The following ITSN2 variants were observed in gnomAD, a reference collection of about 807,000 sequenced individuals.
ITSN2 encodes the protein intersectin 2.
A neutral mutation model predicts 243.7 loss-of-function variants in ITSN2; 156 were observed. That is an observed-to-expected ratio of 0.64 (90% CI 0.56 to 0.73). The LOEUF (loss-of-function observed/expected upper bound fraction) is 0.73. Ranked by LOEUF, ITSN2 falls within the 30% of genes least tolerant of loss-of-function variation. ITSN2 has a pLI of 0.00. For missense variants in ITSN2, 1,801 were observed against 1,996.1 expected (o/e 0.90, Z 1.86); for synonymous variants, 703 against 699.9 (o/e 1.00, Z -0.07).
At position 24,270,768 on chromosome 2, in the gene ITSN2, C is replaced by T. The variant is rs1016798185; in HGVS notation, c.2258G>A (p.Arg753His). The change falls in exon 20 of 40, where the codon CGT (arginine) becomes CAT (histidine). Residue 753 changes from arginine (R) to histidine (H), a missense_variant and splice_region_variant. Physicochemically the swap from Arg to His is conservative, Grantham distance 29 (BLOSUM62 0). Transcript: ENST00000355123. The stretch of plus-strand genomic sequence containing the variant: ...ATTCACCAAAACACTAGCTGTCTCA[C>T]CTAAAGAGAAGACAATTGTCATTAT... ...KDTLKAEEKK[R>H]ETASVLVNYR... 7 of 1,529,076 alleles carry T rather than the reference C, an allele frequency of 4.6e-6. No individual in the cohort carries two copies. Among genetic ancestry groups the T allele is most frequent in the Non-Finnish European group, 6.3e-6 (7 of 1,110,174 alleles). 94.7% of individuals were successfully genotyped at this position (1,529,076 alleles called of 1,614,324 possible).
At chr2:24,295,584 C>T (rs376520574) in intron 14 of ITSN2, 80 bp downstream of exon 14, 5 of 1,144,586 alleles carry the variant, frequency 4.4e-6, no homozygotes, top group Admixed American at 3.0e-5. Flanking sequence ...GCTAGCATTA[C>T]AGCCGTGAGC....
At chr2:24,224,691 C>T (rs1384214693) in intron 29 of ITSN2, among the ~76,000 whole-genome samples, 5 of 151,322 alleles carry the variant, frequency 3.3e-5, no homozygotes, top group South Asian at 2.1e-4. Flanking sequence ...TGGAGTGCAG[C>T]GGCGCGATCT....
chr2:24,311,139 G>T (rs561225079), intron 5 of ITSN2, among the ~76,000 whole-genome samples: 1 of 151,994 alleles, frequency 6.6e-6, no homozygotes, highest in African/African-American at 2.4e-5. Flanking sequence ...AAGGTTCTAA[G>T]TAGTAGATAC....
At position 24,246,183 on chromosome 2, in the gene ITSN2, G is replaced by A; in HGVS notation, c.3523C>T (p.Leu1175Phe). Reference protein sequence around the residue: ...WQGEINGVTGLFPSNYVKMTT... With the variant: ...WQGEINGVTGFFPSNYVKMTT... ...ATCTTAACGTAGTTTGAAGGAAAGA[G>A]ACCAGTCACCCCGTTGATCTCTCCT... The change falls in exon 29 of 40, where the codon CTC becomes TTC. Residue 1175 changes from leucine to phenylalanine, a missense_variant. Leu to Phe is a conservative substitution (Grantham distance 22). Coordinates refer to ENST00000355123, the MANE Select transcript of ITSN2 (RefSeq NM_006277.3). The A allele has an allele frequency of 6.2e-7, 1 of 1,613,542 alleles. No individual in the cohort carries two copies. The highest frequency in any genetic ancestry group is 1.3e-5 in the African/African-American group (1 of 74,982).
chr2:24,272,423 A>C (rs962193878), intron 18 of ITSN2, among the ~76,000 whole-genome samples: 1 of 123,482 alleles, frequency 8.1e-6, no homozygotes, highest in Admixed American at 8.0e-5. Flanking sequence ...AAAACAACCT[A>C]CTTTTTTTTT....
chr2:24,347,769 TA>T (rs1687678936), intron 1 of ITSN2, among the ~76,000 whole-genome samples: 1 of 151,666 alleles, frequency 6.6e-6, no homozygotes, highest in Non-Finnish European at 1.5e-5. Context: ...ACCAAAATGT[TA>T]AACAATTAAA....
chr2:24,210,883 G>A lies in ITSN2; in HGVS notation c.4154C>T (p.Ala1385Val). The A allele has an allele frequency of 6.2e-7, 1 of 1,614,146 alleles. No individual in the cohort carries two copies. The highest frequency in any genetic ancestry group is 8.5e-7 in the Non-Finnish European group (1 of 1,180,020). Residue 1385 changes from alanine (A) to valine (V), a missense_variant, in exon 34 of 40, where the codon GCA (alanine) becomes GTA (valine). Ala to Val is a moderately conservative substitution (Grantham distance 64). Transcript: ENST00000355123. ...HSSLKLALERAEELCSQVNEG... is the reference protein window; with the variant it reads ...HSSLKLALERVEELCSQVNEG... ...ATTCACTTGAGAGCACAGCTCCTCT[G>A]CCCGCTCGAGGGCCAGCTTTAGGGA...
At chr2:24,344,398 T>C (rs1027888385) in intron 1 of ITSN2, among the ~76,000 whole-genome samples, 2 of 152,244 alleles carry the variant, frequency 1.3e-5, no homozygotes, top group Non-Finnish European at 2.9e-5. Context: ...TGTGTAAACA[T>C]ACTTGTTTCT....
intron 3 of ITSN2, among the ~76,000 whole-genome samples, chr2:24,314,017 C>T (rs930591290): frequency 1.3e-5 from 2 of 152,156 alleles, no homozygotes; most frequent in Admixed American, 6.5e-5. Flanking sequence ...AATCCGGTAA[C>T]GTTTCCCACT....
rs928009286 is a variant in ITSN2, at chr2:24,257,794, T to C, written c.2888+94A>G. 4 of 1,001,704 alleles carry C rather than the reference T, an allele frequency of 4.0e-6. No homozygotes were observed. The Admixed American group carries it at 5.8e-5, about 14-fold the overall frequency. The allele number at this position is 1,001,704 out of a possible 1,614,324, so 62.1% of individuals were successfully genotyped here. A position where few individuals can be genotyped will look rare whatever the true frequency, so the allele number is the denominator to read the frequency against. On this transcript the variant is annotated intron_variant, in intron 23 of 39. Coordinates refer to ENST00000355123, the MANE Select transcript of ITSN2 (RefSeq NM_006277.3). ...CTGATATTCAAACTCAAGTATAAAA[T>C]TGTTATTTTATTATACACTCAATCA...
At chr2:24,251,397 GTATA>G (rs1173242443) in intron 25 of ITSN2, among the ~76,000 whole-genome samples, 1 of 5,168 alleles carries the variant, frequency 1.9e-4, no homozygotes, top group African/African-American at 9.7e-4. Context: ...ATATATATGT[GTATA>G]TATATATGTG....
At chr2:24,250,690 A>G (rs1469203891) in intron 25 of ITSN2, among the ~76,000 whole-genome samples, 1 of 152,214 alleles carries the variant, frequency 6.6e-6, no homozygotes. Flanking sequence ...TGTTGCAACT[A>G]ACCTATAACG....
chr2:24,247,652 T>A (rs1673562261), intron 27 of ITSN2, among the ~76,000 whole-genome samples: 1 of 152,166 alleles, frequency 6.6e-6, no homozygotes, highest in Non-Finnish European at 1.5e-5. Context: ...GAAAACAGCA[T>A]CTGAAGAAGT....
At chr2:24,215,061 C>T (rs537845207) in intron 32 of ITSN2, among the ~76,000 whole-genome samples, 11 of 152,300 alleles carry the variant, frequency 7.2e-5, no homozygotes, top group East Asian at 1.9e-4. Context: ...ATAACCTGTA[C>T]GAAGGATGTT....
At chr2:24,215,253 A>G (rs192806771) in intron 32 of ITSN2, among the ~76,000 whole-genome samples, 1 of 152,334 alleles carries the variant, frequency 6.6e-6, no homozygotes, top group African/African-American at 2.4e-5. Flanking sequence ...ACAGATATGC[A>G]TTTTATATAT....
chr2:24,315,284 A>G, intron 2 of ITSN2, 60 bp from the exon 3 acceptor site: 1 of 921,952 alleles, frequency 1.1e-6, no homozygotes, highest in South Asian at 1.5e-5. Context: ...ATACAATTCT[A>G]AAATGTAAAT....
rs1435823274 is a variant in ITSN2, at chr2:24,293,734, T to C, written c.1677A>G (p.Gln559=). Residue 559 remains glutamine (Q), a synonymous_variant, in exon 15 of 40, where the codon CAA becomes CAG. Coordinates refer to ENST00000355123, the MANE Select transcript of ITSN2 (RefSeq NM_006277.3). The part of the protein sequence containing the change: ...NKLIYLVPEK[Q]LLNERIKNMQ... ...TGTTTTTAATTCTTTCATTTAATAA[T>C]TGCTTCTCAGGTACCAGATAGATAA... The C allele has an allele frequency of 3.2e-6, 4 of 1,251,482 alleles. No individual in the cohort carries two copies. Among genetic ancestry groups the C allele is most frequent in the African/African-American group, 1.6e-5 (1 of 64,352 alleles). 77.5% of individuals were successfully genotyped at this position (1,251,482 alleles called of 1,614,324 possible). A position where few individuals can be genotyped will look rare whatever the true frequency, so the allele number is the denominator to read the frequency against.
intron 29 of ITSN2, among the ~76,000 whole-genome samples, chr2:24,244,434 C>G (rs1673102373): frequency 6.6e-6 from 1 of 152,126 alleles, no homozygotes; most frequent in South Asian, 2.1e-4. Context: ...ATTCCCTATT[C>G]TATGAGGCTT....
chr2:24,335,219 C>A, intron 1 of ITSN2: 1 of 160,386 alleles, frequency 6.2e-6, no homozygotes, highest in Non-Finnish European at 1.4e-5. Flanking sequence ...ATAATAATTA[C>A]AATTATCATT....
Sources: allele counts gnomAD v4.1 joint callset (sites outside exome capture counted in the v4.1 genomes callset), GRCh38; gene constraint gnomAD v4.1.1; transcripts MANE v1.5; gene names NCBI Gene and HGNC (gene_info 2026-07-23, HGNC 2026-07-21).